Variants in CRHR2 observed in about 807,000 individuals in gnomAD.
The protein encoded by CRHR2 is corticotropin-releasing hormone receptor 2.
CRHR2 carries 53 observed loss-of-function variants against 57.9 expected under a neutral mutation model. That is an observed-to-expected ratio of 0.92 (90% CI 0.73 to 1.15). CRHR2 has a LOEUF of 1.15. Ranked by LOEUF, CRHR2 falls within the 50% of genes most tolerant of loss-of-function variation. The pLI, the probability that CRHR2 is intolerant of heterozygous loss-of-function variation, is 0.00. For missense variants in CRHR2, 532 were observed against 542.6 expected (o/e 0.98, Z 0.19); for synonymous variants, 213 against 220.9 (o/e 0.96, Z 0.32).
In CRHR2 at chr7:30,662,750, A is replaced by G; in HGVS notation, c.641T>C (p.Val214Ala). ...CAGGCGCTCAGTGGAGTAGGTCATG[A>G]CAATGGCCGTGTGCAGGTAGCAGCC... ...VEGCYLHTAI[V>A]MTYSTERLRK... is the part of the protein sequence containing the mutation. The change falls in exon 6 of 12, where the codon GTC becomes GCC. Residue 214 changes from valine (V) to alanine (A), a missense_variant. Transcript: ENST00000471646. 2 of 1,614,240 alleles carry G rather than the reference A, an allele frequency of 1.2e-6. No individual in the cohort carries two copies. The highest frequency in any genetic ancestry group is 1.7e-6 in the Non-Finnish European group (2 of 1,180,042).
chr7:30,686,371 C>G, upstream of CRHR2: 3 of 1,522,324 alleles, frequency 2.0e-6, no homozygotes, highest in Non-Finnish European at 2.6e-6. Context: ...CAGTGAGTCA[C>G]TAAGAAAGGA....
chr7:30,664,802 G>C (rs755767815), intron 5 of CRHR2, among the ~76,000 whole-genome samples: 1 of 152,110 alleles, frequency 6.6e-6, no homozygotes, highest in Non-Finnish European at 1.5e-5. Flanking sequence ...GTCTCTGTGT[G>C]CAAATCTCCA....
At chr7:30,655,218 TCCTAG>T (rs1408330489) in intron 10 of CRHR2, 138 bp from the exon 11 acceptor site, 1 of 965,618 alleles carries the variant, frequency 1.0e-6, no homozygotes, top group East Asian at 2.6e-5. Context: ...CTGGGTGGGG[TCCTAG>T]CCTCAGGGTG....
chr7:30,699,372 A>G (rs1785121714), intron 1 of CRHR2, among the ~76,000 whole-genome samples: 1 of 152,150 alleles, frequency 6.6e-6, no homozygotes, highest in Non-Finnish European at 1.5e-5. Context: ...CTCTGTCCCC[A>G]TCGCTCATCT....
At chr7:30,695,154 T>G (rs1443278617) in intron 1 of CRHR2, among the ~76,000 whole-genome samples, 2 of 73,208 alleles carry the variant, frequency 2.7e-5, no homozygotes, top group Admixed American at 2.1e-4. Flanking sequence ...GAGCTGAGAC[T>G]GGCCGAGGGG....
upstream of CRHR2, chr7:30,686,619 C>A: frequency 9.4e-7 from 1 of 1,059,602 alleles, no homozygotes; most frequent in Non-Finnish European, 1.4e-6. Context: ...GACCAGCCTA[C>A]AAAAAATAAT....
Position 30,660,579 on chromosome 7 carries a change from C to T in CRHR2, c.825G>A (p.Val275=). ...GCCACCGCTGAGGGCTTACCAGGAGCACGAGAATGATGGGGCCTTGGTAGA... is the reference window on the plus strand; with the variant it reads ...GCCACCGCTGAGGGCTTACCAGGAGTACGAGAATGATGGGGCCTTGGTAGA... ...DYIYQGPIIL[V]LLINFVFLFN... is the part of the protein sequence containing the mutation. The change falls in exon 8 of 12, where the codon GTG becomes GTA. Residue 275 remains valine, a synonymous_variant. Transcript: ENST00000471646. The T allele has an allele frequency of 6.4e-7, 1 of 1,563,472 alleles. No individual in the cohort carries two copies. The highest frequency in any genetic ancestry group is 2.4e-5 in the East Asian group (1 of 42,126).
chr7:30,654,737 C>G, intron 11 of CRHR2: 1 of 1,536,282 alleles, frequency 6.5e-7, no homozygotes, highest in Non-Finnish European at 8.7e-7. Flanking sequence ...AAGCTTCCTT[C>G]TGTCACCACC....
intron 8 of CRHR2, among the ~76,000 whole-genome samples, chr7:30,657,638 A>G (rs1248821359): frequency 6.6e-6 from 1 of 152,222 alleles, no homozygotes; most frequent in Non-Finnish European, 1.5e-5. Context: ...TCTTGAATTC[A>G]ATATTAATCT....
chr7:30,682,456 T>TG, upstream of CRHR2: 1 of 1,339,550 alleles, frequency 7.5e-7, no homozygotes, highest in Non-Finnish European at 9.5e-7. Flanking sequence ...AGCTGTCAAG[T>TG]GGGGACCTTC....
intron 2 of CRHR2, among the ~76,000 whole-genome samples, chr7:30,669,516 TTCCTC>T (rs1784292195): frequency 6.6e-6 from 1 of 152,072 alleles, no homozygotes; most frequent in African/African-American, 2.4e-5. Flanking sequence ...TCAGAGACCT[TTCCTC>T]TCCCTCACAC....
At chr7:30,672,490 A>C (rs77958123) in intron 2 of CRHR2, among the ~76,000 whole-genome samples, 227 of 152,334 alleles carry the variant, frequency 1.5e-3, no homozygotes, top group African/African-American at 5.2e-3. Context: ...TTCCTAGGTT[A>C]CTTGGGAACT....
At chr7:30,697,138 TC>T (rs1196630535) in intron 1 of CRHR2, among the ~76,000 whole-genome samples, 1 of 152,112 alleles carries the variant, frequency 6.6e-6, no homozygotes, top group Non-Finnish European at 1.5e-5. Context: ...GTGGACTCGG[TC>T]TTTGGTGTGA....
upstream of CRHR2, among the ~76,000 whole-genome samples, chr7:30,684,962 G>A (rs1215246387): frequency 6.6e-6 from 1 of 152,232 alleles, no homozygotes; most frequent in African/African-American, 2.4e-5. Flanking sequence ...ATAGTGATGG[G>A]TTCCCAGCGC....
intron 1 of CRHR2, among the ~76,000 whole-genome samples, chr7:30,691,828 T>C (rs1268564765): frequency 5.3e-5 from 8 of 152,168 alleles, no homozygotes; most frequent in African/African-American, 1.9e-4. Context: ...GGTGTCAATT[T>C]TGGGCAGAGC....
intron 1 of CRHR2, among the ~76,000 whole-genome samples, chr7:30,694,031 C>A (rs536696555): frequency 6.6e-6 from 1 of 152,194 alleles, no homozygotes; most frequent in African/African-American, 2.4e-5. Context: ...GCTGTGGGAG[C>A]ACAGGGTCCA....
intron 9 of CRHR2, 75 bp from the exon 10 acceptor site, chr7:30,655,790 G>A (rs7812133): frequency 0.046 from 72,725 of 1,591,760 alleles, 3,875 homozygotes; most frequent in African/African-American, 0.28. Flanking sequence ...GCGGGAGACA[G>A]TGGTGGTGTT....
At chr7:30,689,215 T>C (rs1247862881) in exon 2 of CRHR2, 3 of 1,549,972 alleles carry the variant, frequency 1.9e-6, no homozygotes, top group Non-Finnish European at 2.6e-6. Flanking sequence ...AGGGTCATGA[T>C]GGTGTGGCAG....
rs1783614458 is a variant in CRHR2, at chr7:30,652,158, TC to T, written c.*1301del. 6.6e-6 allele frequency: 1 copy of T among 152,238 alleles called. No homozygotes were observed. Among genetic ancestry groups the T allele is most frequent in the South Asian group, 2.1e-4 (1 of 4,832 alleles). The allele number at this position is 152,238 out of a possible 1,614,324, so 9.4% of individuals were successfully genotyped here. On this transcript the variant is annotated 3_prime_UTR_variant, in exon 12 of 12. Transcript: ENST00000471646. This position sits in a 1 kb window ranked among gnomAD's most constrained non-coding sequence, Gnocchi z 4.4. ...GAAGAAATGGCCTGATGCTTCTCTC[TC>T]CCTGACTCCTGCGGCTCCGCTGCAG...
Sources: gnomAD v4.1 joint callset for allele counts (sites outside exome capture counted in the v4.1 genomes callset) on GRCh38, gnomAD v4.1.1 for gene constraint, Gnocchi (gnomAD v3.1) non-coding constraint, MANE v1.5 for transcripts, NCBI Gene and HGNC (gene_info 2026-07-23, HGNC 2026-07-21) for gene names.